The following OMA1 variants were observed in gnomAD, a reference collection of about 807,000 sequenced individuals.
OMA1 encodes the protein OMA1 zinc metallopeptidase.
Under a neutral mutation model 30.9 loss-of-function variants are expected in OMA1, and 38 were observed. The ratio of observed to expected loss-of-function variants is 1.23; its 90% CI spans 0.95 to 1.61. OMA1 has a LOEUF of 1.61. OMA1 is among the 40% of genes most tolerant of loss of function. The pLI, the probability that OMA1 is intolerant of heterozygous loss-of-function variation, is 0.00. For missense variants in OMA1, 461 were observed against 349.2 expected (o/e 1.32, Z -2.55); for synonymous variants, 173 against 121.9 (o/e 1.42, Z -2.76).
At chr1:58,509,152 G>A (rs1427497933) in intron 7 of OMA1, among the ~76,000 whole-genome samples, 1 of 151,320 alleles carries the variant, frequency 6.6e-6, no homozygotes, top group Admixed American at 6.6e-5. Context: ...TCAACAATAA[G>A]AGTGAAAAAA....
At chr1:58,539,367 G>T (rs1388163953) in intron 1 of OMA1, 57 bp from the exon 2 acceptor site, 1 of 714,922 alleles carries the variant, frequency 1.4e-6, no homozygotes, top group South Asian at 1.8e-5. Flanking sequence ...ACCAAACTGG[G>T]ACTATAACAC....
chr1:58,484,964 C>T (rs1377186373), intron 8 of OMA1, among the ~76,000 whole-genome samples: 1 of 151,908 alleles, frequency 6.6e-6, no homozygotes, highest in Non-Finnish European at 1.5e-5. Flanking sequence ...CTGCATGATG[C>T]TATAATGGTG....
At chr1:58,542,483 T>C (rs1479963414) in intron 1 of OMA1, 9 of 152,174 alleles carry the variant, frequency 5.9e-5, no homozygotes, top group Non-Finnish European at 2.9e-5. Flanking sequence ...TACTACATAC[T>C]GTATGCATTC....
intron 2 of OMA1, among the ~76,000 whole-genome samples, chr1:58,538,094 G>C (rs1392203533): frequency 6.6e-6 from 1 of 152,164 alleles, no homozygotes; most frequent in African/African-American, 2.4e-5. Flanking sequence ...AAACTGGTTT[G>C]GTTCATGTGG....
intron 3 of OMA1, 106 bp downstream of exon 3, chr1:58,536,407 A>T: frequency 3.1e-6 from 2 of 645,020 alleles, no homozygotes; most frequent in South Asian, 3.9e-5. Context: ...CTAATTTCAT[A>T]TCAAAGACTA....
intron 8 of OMA1, among the ~76,000 whole-genome samples, chr1:58,490,800 T>A (rs967548166): frequency 1.1e-3 from 124 of 113,150 alleles, no homozygotes; most frequent in African/African-American, 4.4e-3. Context: ...ACATTCTTTT[T>A]TTTTTTTTTT....
At chr1:58,492,310 C>T (rs1023752186) in intron 8 of OMA1, among the ~76,000 whole-genome samples, 7 of 151,906 alleles carry the variant, frequency 4.6e-5, no homozygotes, top group African/African-American at 1.7e-4. Context: ...CAAAAGAAAG[C>T]AGGAAAGATC....
chr1:58,510,618 A>G (rs1646059315), intron 7 of OMA1, among the ~76,000 whole-genome samples: 1 of 152,150 alleles, frequency 6.6e-6, no homozygotes, highest in Admixed American at 6.6e-5. Context: ...TGGGAGTCCT[A>G]GCCAGGGCAA....
intron 1 of OMA1, 80 bp downstream of exon 1, chr1:58,546,623 C>G (rs972999631): frequency 6.5e-6 from 1 of 152,978 alleles, no homozygotes; most frequent in South Asian, 2.1e-4. Flanking sequence ...CGCCCCCTCC[C>G]CACTGCCGCA....
Position 58,480,880 on chromosome 1 carries a change from C to A in OMA1, c.*85G>T. 2 of 679,678 alleles carry A rather than the reference C, an allele frequency of 2.9e-6. No homozygotes were observed. The highest frequency in any genetic ancestry group is 2.1e-5 in the South Asian group (1 of 47,362). The allele number at this position is 679,678 out of a possible 1,614,324, so 42.1% of individuals were successfully genotyped here. On this transcript the variant is annotated 3_prime_UTR_variant, in exon 9 of 9. Coordinates refer to ENST00000371226, the MANE Select transcript of OMA1 (RefSeq NM_145243.5). ...ACCCTGAATATCCTTTTTTTTTTCA[C>A]TTCAAACATCATTTTTTAAAAAGTA...
At chr1:58,497,664 T>TC (rs1645826115) in intron 8 of OMA1, among the ~76,000 whole-genome samples, 1 of 151,974 alleles carries the variant, frequency 6.6e-6, no homozygotes, top group Non-Finnish European at 1.5e-5. Context: ...ACGAAGGAAA[T>TC]CTCTAATTTG....
At chr1:58,490,800 T>C (rs967548166) in intron 8 of OMA1, among the ~76,000 whole-genome samples, 6 of 113,152 alleles carry the variant, frequency 5.3e-5, no homozygotes, top group Admixed American at 2.6e-4. Flanking sequence ...ACATTCTTTT[T>C]TTTTTTTTTT....
At chr1:58,516,769 C>T (rs1211606696) in intron 7 of OMA1, among the ~76,000 whole-genome samples, 6 of 152,060 alleles carry the variant, frequency 3.9e-5, no homozygotes, top group Admixed American at 3.3e-4. Context: ...GAAATAGTTC[C>T]CAGTAACCAA....
intron 8 of OMA1, among the ~76,000 whole-genome samples, chr1:58,504,366 A>G (rs6587819): frequency 0.31 from 47,309 of 152,034 alleles, 7,795 homozygotes; most frequent in African/African-American, 0.42. Flanking sequence ...TCCTCAGCCT[A>G]AAAGGCTCTC....
intron 8 of OMA1, among the ~76,000 whole-genome samples, chr1:58,483,052 A>T (rs1172430683): frequency 6.6e-6 from 1 of 152,238 alleles, no homozygotes; most frequent in Non-Finnish European, 1.5e-5. Flanking sequence ...TTTGAAGAAT[A>T]CACATTCGAA....
chr1:58,495,790 T>C (rs997089487), intron 8 of OMA1, among the ~76,000 whole-genome samples: 4 of 152,176 alleles, frequency 2.6e-5, no homozygotes, highest in Admixed American at 1.3e-4. Flanking sequence ...TCCAAAACTC[T>C]TACACTTCCT....
At chr1:58,546,102 G>T (rs1234332750) in intron 1 of OMA1, among the ~76,000 whole-genome samples, 1 of 152,222 alleles carries the variant, frequency 6.6e-6, no homozygotes, top group African/African-American at 2.4e-5. Flanking sequence ...CATTTAAACA[G>T]TATACAGTGA....
intron 8 of OMA1, among the ~76,000 whole-genome samples, chr1:58,505,004 G>C (rs1645964355): frequency 6.6e-6 from 1 of 151,916 alleles, no homozygotes; most frequent in African/African-American, 2.4e-5. Context: ...GCTGACTAGA[G>C]TGCAGTGGCA....
At chr1:58,536,774 A>C in intron 2 of OMA1, 33 bp from the exon 3 acceptor site, 1 of 859,480 alleles carries the variant, frequency 1.2e-6, no homozygotes, top group Non-Finnish European at 2.0e-6. Flanking sequence ...AAGTTCTGAA[A>C]ATCATTCCAG....
Sources: allele counts gnomAD v4.1 joint callset (sites outside exome capture counted in the v4.1 genomes callset), GRCh38; gene constraint gnomAD v4.1.1; transcripts MANE v1.5; gene names NCBI Gene and HGNC (gene_info 2026-07-23, HGNC 2026-07-21).